SLC24A4: variants seen among roughly 807,000 people sequenced by gnomAD.
SLC24A4 encodes solute carrier family 24 member 4.
In SLC24A4, 53 loss-of-function variants were observed where a neutral mutation model predicts 79.0. That is an observed-to-expected ratio of 0.67 (90% confidence interval 0.54 to 0.84). The LOEUF is 0.84. Among genes scored for constraint, SLC24A4 ranks in the 40% least tolerant of loss-of-function variants. The probability of loss-of-function intolerance (pLI) is 0.00; values close to 1 mark genes in which losing one functional copy is unlikely to be tolerated. For synonymous variants in SLC24A4, 323 were observed against 323.8 expected, an observed-to-expected ratio of 1.00 and a Z score of 0.03; for missense variants, 731 against 822.0, an observed-to-expected ratio of 0.89 and a Z score of 1.35.
Position 92,443,052 on chromosome 14 carries a change from AGAGGCGGGCTCATGAGT to A in SLC24A4, c.582+242_582+258del, listed in dbSNP as rs1395909958. Among the ~76,000 whole-genome samples, 9 of 152,318 alleles carry A rather than the reference AGAGGCGGGCTCATGAGT, an allele frequency of 5.9e-5. No individual in the cohort carries two copies. The East Asian group carries it at 1.3e-3, about 23-fold the overall frequency. ...GGGGGAATGTTGGACTTGACCTCAG[AGAGGCGGGCTCATGAGT>A]GAGGCCCTGCCTTGCAGAGGGAGAT... On this transcript the variant is annotated intron_variant, in intron 6 of 16. Coordinates refer to ENST00000532405, the MANE Select transcript of SLC24A4 (RefSeq NM_153646.4).
At chr14:92,351,317 T>C (rs2896206) in intron 2 of SLC24A4, among the ~76,000 whole-genome samples, 114,121 of 151,854 alleles carry the variant, frequency 0.75, 43,315 homozygotes, top group East Asian at 0.93. Flanking sequence ...CTAAAGGTGG[T>C]TAGCAGGACA....
At chr14:92,488,348 C>T (rs1895492442) in intron 14 of SLC24A4, among the ~76,000 whole-genome samples, 1 of 152,048 alleles carries the variant, frequency 6.6e-6, no homozygotes, top group South Asian at 2.1e-4. Flanking sequence ...CTGGGATTAC[C>T]AGCATGAGCC....
At chr14:92,449,280 GTACACA>G in intron 10 of SLC24A4, 64 bp downstream of exon 10, 1 of 1,250,008 alleles carries the variant, frequency 8.0e-7, no homozygotes. Context: ...CCTCTTTTGT[GTACACA>G]CACACACACA....
chr14:92,328,383 G>A (rs1885272261), intron 2 of SLC24A4, among the ~76,000 whole-genome samples: 1 of 152,196 alleles, frequency 6.6e-6, no homozygotes, highest in Admixed American at 6.5e-5. Context: ...GACATTGAGG[G>A]ACTCCAGCGG....
intron 3 of SLC24A4, among the ~76,000 whole-genome samples, chr14:92,437,165 T>A (rs1158909705): frequency 6.6e-6 from 1 of 152,210 alleles, no homozygotes. Context: ...CATCTCTTTT[T>A]CCGTGGGTCC....
intron 2 of SLC24A4, among the ~76,000 whole-genome samples, chr14:92,349,532 A>G (rs748139939): frequency 7.9e-5 from 12 of 152,196 alleles, no homozygotes; most frequent in Non-Finnish European, 1.8e-4. Context: ...GTAGATTGGC[A>G]TGAAGTTGTC....
intron 2 of SLC24A4, among the ~76,000 whole-genome samples, chr14:92,358,596 A>G (rs1008029522): frequency 6.6e-6 from 1 of 150,688 alleles, no homozygotes; most frequent in African/African-American, 2.5e-5. Context: ...TCATTGAGGA[A>G]CCCTCGATGT....
chr14:92,453,913 A>G lies in SLC24A4; in HGVS notation c.894A>G (p.Pro298=). The change falls in exon 11 of 17, where the codon CCA becomes CCG. Residue 298 remains proline, a synonymous_variant. Coordinates refer to ENST00000532405, the MANE Select transcript of SLC24A4 (RefSeq NM_153646.4). ...VPLLGQVKEK[P]QYGKNPVVMV... is the part of the protein sequence containing the mutation. ...TGCGCTCAACAGTGAAGGAGAAGCCACAGTATGGCAAGAACCCCGTGGTGA... is the reference window on the plus strand; with the variant it reads ...TGCGCTCAACAGTGAAGGAGAAGCCGCAGTATGGCAAGAACCCCGTGGTGA... 1 of 1,611,232 alleles carries G rather than the reference A, an allele frequency of 6.2e-7. No homozygotes were observed.
At chr14:92,374,824 T>C (rs1888413515) in intron 2 of SLC24A4, among the ~76,000 whole-genome samples, 1 of 152,260 alleles carries the variant, frequency 6.6e-6, no homozygotes, top group Non-Finnish European at 1.5e-5. Flanking sequence ...ACTTGACCTA[T>C]TTTTGTTAAT....
rs759902485 is a variant in SLC24A4, at chr14:92,443,423, C to T, written c.606C>T (p.Ala202=). 1.9e-5 allele frequency: 30 copies of T among 1,613,966 alleles called. No homozygotes were observed. In the East Asian group the frequency reaches 3.3e-4, roughly 18 times the overall value. The part of the protein sequence containing the change: ...AGQVVRLTWW[A]VCRDSVYYTI... ...AGGTGGTCCGTCTGACGTGGTGGGC[C>T]GTGTGCCGAGACTCCGTGTACTACA... The change falls in exon 7 of 17, where the codon GCC becomes GCT. Residue 202 remains alanine, a synonymous_variant. Coordinates refer to ENST00000532405, the MANE Select transcript of SLC24A4 (RefSeq NM_153646.4).
chr14:92,400,246 C>T (rs1890029898), intron 2 of SLC24A4, among the ~76,000 whole-genome samples: 1 of 152,028 alleles, frequency 6.6e-6, no homozygotes, highest in South Asian at 2.1e-4. Flanking sequence ...CGAGAACATC[C>T]AGGCCAACAT....
At chr14:92,409,512 G>A (rs181942291) in intron 2 of SLC24A4, among the ~76,000 whole-genome samples, 35 of 152,264 alleles carry the variant, frequency 2.3e-4, no homozygotes, top group Middle Eastern at 6.8e-3. Context: ...TTTATTGAAG[G>A]ATAACATACC....
intron 4 of SLC24A4, among the ~76,000 whole-genome samples, chr14:92,440,908 G>A (rs1481119351): frequency 6.6e-6 from 1 of 151,960 alleles, no homozygotes; most frequent in Non-Finnish European, 1.5e-5. Context: ...GAATGGCCCA[G>A]GCAAAGGCAG....
At chr14:92,414,336 C>T (rs1890871707) in intron 2 of SLC24A4, among the ~76,000 whole-genome samples, 1 of 151,784 alleles carries the variant, frequency 6.6e-6, no homozygotes, top group African/African-American at 2.4e-5. Flanking sequence ...GGACAATCAC[C>T]CCTGGCTGAG....
intron 2 of SLC24A4, among the ~76,000 whole-genome samples, chr14:92,393,646 T>C (rs56141747): frequency 0.027 from 4,096 of 149,684 alleles, 175 homozygotes; most frequent in East Asian, 0.17. Context: ...CAGACTCAAG[T>C]GATCCTCCCA....
intron 2 of SLC24A4, among the ~76,000 whole-genome samples, chr14:92,409,368 G>C (rs565361741): frequency 6.6e-6 from 1 of 152,214 alleles, no homozygotes; most frequent in Non-Finnish European, 1.5e-5. Flanking sequence ...TTTCTGAAGC[G>C]TAGTGACGGT....
chr14:92,355,996 T>C (rs1887162232), intron 2 of SLC24A4, among the ~76,000 whole-genome samples: 1 of 152,254 alleles, frequency 6.6e-6, no homozygotes. Flanking sequence ...TACGATGGCA[T>C]GAAAGCAATT....
At chr14:92,374,715 A>G (rs930313104) in intron 2 of SLC24A4, among the ~76,000 whole-genome samples, 1 of 152,226 alleles carries the variant, frequency 6.6e-6, no homozygotes, top group South Asian at 2.1e-4. Flanking sequence ...TGCCCTTAGT[A>G]TACTAAGGCT....
chr14:92,400,298 G>A (rs1478963544), intron 2 of SLC24A4, among the ~76,000 whole-genome samples: 4 of 152,060 alleles, frequency 2.6e-5, no homozygotes, highest in African/African-American at 7.2e-5. Context: ...AACTAGCTGG[G>A]CATGGTGGCA....
Sources: allele counts gnomAD v4.1 joint callset (sites outside exome capture counted in the v4.1 genomes callset), GRCh38; gene constraint gnomAD v4.1.1; transcripts MANE v1.5; gene names NCBI Gene and HGNC (gene_info 2026-07-23, HGNC 2026-07-21).